The following RYR2 variants were observed in gnomAD, a reference collection of about 807,000 sequenced individuals.
The protein encoded by RYR2 is ryanodine receptor 2, also known as cardiac muscle ryanodine receptor-calcium release channel.
RYR2 carries 227 observed loss-of-function variants against 601.1 expected under a neutral mutation model. The observed-to-expected ratio is 0.38, with a 90% CI of 0.34 to 0.42. RYR2 has a LOEUF of 0.42. Ranked by LOEUF, RYR2 falls within the 10% of genes least tolerant of loss-of-function variation. The pLI is 1.00. For synonymous variants in RYR2, 2,223 were observed against 2,175.1 expected, an observed-to-expected ratio of 1.02 and a Z score of -0.61; for missense variants, 4,646 against 6,156.5, an observed-to-expected ratio of 0.75 and a Z score of 8.21.
chr1:237,353,647 T>C (rs1443508964), intron 3 of RYR2, among the ~76,000 whole-genome samples: 3 of 152,156 alleles, frequency 2.0e-5, no homozygotes, highest in Non-Finnish European at 4.4e-5. Flanking sequence ...CAAGTTGGTG[T>C]TTAAATAACT....
intron 1 of RYR2, among the ~76,000 whole-genome samples, chr1:237,265,075 A>G (rs1195153884): frequency 2.6e-5 from 4 of 152,212 alleles, no homozygotes. Flanking sequence ...AAGAGAAAAT[A>G]CAATGTTATG....
chr1:237,673,018 A>G (rs1685091415), intron 58 of RYR2, among the ~76,000 whole-genome samples: 1 of 152,200 alleles, frequency 6.6e-6, no homozygotes, highest in Non-Finnish European at 1.5e-5. Flanking sequence ...TTGCTTGCTT[A>G]TTTATTGTGT....
intron 36 of RYR2, among the ~76,000 whole-genome samples, chr1:237,612,315 T>A (rs1362716157): frequency 6.6e-6 from 1 of 152,118 alleles, no homozygotes; most frequent in Non-Finnish European, 1.5e-5. Context: ...CTAAATTCCT[T>A]TTGGGATGAT....
chr1:237,660,814 AAG>A lies in RYR2; in HGVS notation c.8305_8306del (p.Glu2769AsnfsTer21). ...TTCTTGTTTTTTCTTCTCTAGGAAAAAGAAATTTATCGCTGGCCAATCAAAGA... is the reference window on the plus strand; with the variant it reads ...TTCTTGTTTTTTCTTCTCTAGGAAAAAAATTTATCGCTGGCCAATCAAAGA... On this transcript the variant is annotated frameshift_variant, in exon 56 of 105. Coordinates refer to ENST00000366574, the MANE Select transcript of RYR2 (RefSeq NM_001035.3). LOFTEE classifies it high-confidence loss of function. 6.5e-7 allele frequency: 1 copy of A among 1,541,194 alleles called. No homozygotes were observed. The highest frequency in any genetic ancestry group is 8.8e-7 in the Non-Finnish European group (1 of 1,140,838).
chr1:237,640,509 C>T (rs1681357931), intron 46 of RYR2, among the ~76,000 whole-genome samples: 1 of 152,146 alleles, frequency 6.6e-6, no homozygotes, highest in Non-Finnish European at 1.5e-5. Flanking sequence ...TGTATGCCAT[C>T]TTTGTCACCC....
chr1:237,785,893 T>A, intron 90 of RYR2, 76 bp from the exon 91 acceptor site: 3 of 1,010,776 alleles, frequency 3.0e-6, no homozygotes, highest in Non-Finnish European at 4.6e-6. Context: ...GTTTGACACA[T>A]GGTCACATGG....
At chr1:237,423,999 G>C (rs1303876237) in intron 12 of RYR2, among the ~76,000 whole-genome samples, 2 of 152,088 alleles carry the variant, frequency 1.3e-5, no homozygotes, top group African/African-American at 2.4e-5. Flanking sequence ...AGGAGAGTGA[G>C]TGTGAAGGAG....
intron 3 of RYR2, among the ~76,000 whole-genome samples, chr1:237,340,952 C>T (rs1164431817): frequency 1.3e-5 from 2 of 152,172 alleles, no homozygotes; most frequent in Non-Finnish European, 2.9e-5. Flanking sequence ...TTCAGTTTTA[C>T]TGCCTTTCTG....
chr1:237,663,769 G>A (rs1022560440), intron 56 of RYR2, among the ~76,000 whole-genome samples: 9 of 152,212 alleles, frequency 5.9e-5, no homozygotes, highest in African/African-American at 1.9e-4. Flanking sequence ...ATAACCTGAT[G>A]AATGTCCTTT....
At chr1:237,801,065 C>T (rs1430708296) in intron 97 of RYR2, among the ~76,000 whole-genome samples, 1 of 152,114 alleles carries the variant, frequency 6.6e-6, no homozygotes. Flanking sequence ...AATTTAAAAG[C>T]TCTTTCATTT....
At position 237,614,609 on chromosome 1, in the gene RYR2, C is replaced by G. The variant is rs1678258756; in HGVS notation, c.5481C>G (p.Thr1827=). 6.2e-7 allele frequency: 1 copy of G among 1,613,950 alleles called. No individual in the cohort carries two copies. Among genetic ancestry groups the G allele is most frequent in the East Asian group, 2.2e-5 (1 of 44,870 alleles). Residue 1827 remains threonine, a synonymous_variant, in exon 37 of 105, where the codon ACC becomes ACG. Transcript: ENST00000366574. The surrounding 1 kb of genome is among the most constrained non-coding windows in gnomAD (Gnocchi z 4.3). Reference sequence around the variant, plus strand: ...TACCTCTCATCAAGCTTTTCTATACCCTGCTGATCATGGGCATCTTTCACA... The same window carrying G: ...TACCTCTCATCAAGCTTTTCTATACGCTGCTGATCATGGGCATCTTTCACA... The part of the protein sequence containing the change: ...LFVPLIKLFY[T]LLIMGIFHNE...
At chr1:237,091,456 GC>G (rs1424230655) in intron 1 of RYR2, among the ~76,000 whole-genome samples, 1 of 151,290 alleles carries the variant, frequency 6.6e-6, no homozygotes, top group Non-Finnish European at 1.5e-5. Flanking sequence ...ATAGGGTCTT[GC>G]CCCATTGCCC....
At chr1:237,515,914 TCCC>T (rs367673017) in intron 24 of RYR2, among the ~76,000 whole-genome samples, 6 of 123,802 alleles carry the variant, frequency 4.8e-5, no homozygotes, top group African/African-American at 1.3e-4. Flanking sequence ...CTCCCTCTTC[TCCC>T]TCTCCCTCTT....
chr1:237,103,656 C>G (rs981829434), intron 1 of RYR2, among the ~76,000 whole-genome samples: 1 of 152,210 alleles, frequency 6.6e-6, no homozygotes, highest in African/African-American at 2.4e-5. Context: ...GCAACATCCA[C>G]CTGCCAGATT....
intron 76 of RYR2, among the ~76,000 whole-genome samples, chr1:237,727,608 G>A (rs1023112405): frequency 1.3e-5 from 2 of 152,102 alleles, no homozygotes; most frequent in South Asian, 4.2e-4. Flanking sequence ...ATCATAATGG[G>A]ATCAGCCTTA....
intron 4 of RYR2, among the ~76,000 whole-genome samples, chr1:237,356,746 C>T (rs1006928195): frequency 6.6e-6 from 1 of 152,094 alleles, no homozygotes; most frequent in Non-Finnish European, 1.5e-5. Flanking sequence ...CACCAAGGTA[C>T]CTTCCAATAC....
At chr1:237,237,982 C>CTTTCCTTTCT (rs751927403) in intron 1 of RYR2, among the ~76,000 whole-genome samples, 1 of 143,976 alleles carries the variant, frequency 6.9e-6, no homozygotes, top group Non-Finnish European at 1.5e-5. Context: ...CTTTCCTTTC[C>CTTTCCTTTCT]TTTCCAACAG....
At chr1:237,710,204 C>A (rs1688715831) in intron 70 of RYR2, among the ~76,000 whole-genome samples, 1 of 152,042 alleles carries the variant, frequency 6.6e-6, no homozygotes, top group Non-Finnish European at 1.5e-5. Context: ...CAGTAACTAG[C>A]AGAATATAGA....
At chr1:237,181,897 G>A (rs1280326137) in intron 1 of RYR2, among the ~76,000 whole-genome samples, 1 of 152,170 alleles carries the variant, frequency 6.6e-6, no homozygotes, top group African/African-American at 2.4e-5. Context: ...AGACAGACTA[G>A]CGTCACAATC....
Sources: gnomAD v4.1 joint callset for allele counts (sites outside exome capture counted in the v4.1 genomes callset) on GRCh38, gnomAD v4.1.1 for gene constraint, Gnocchi (gnomAD v3.1) non-coding constraint, MANE v1.5 for transcripts, NCBI Gene and HGNC (gene_info 2026-07-23, HGNC 2026-07-21) for gene names.